Variants in NOS1 observed in about 807,000 individuals in gnomAD.
NOS1 encodes the protein NOS type I.
NOS1 carries 51 observed loss-of-function variants against 164.5 expected under a neutral mutation model. The ratio of observed to expected loss-of-function variants is 0.31; its 90% CI spans 0.25 to 0.39. The LOEUF (loss-of-function observed/expected upper bound fraction) is 0.39. Ranked by LOEUF, NOS1 falls within the 10% of genes least tolerant of loss-of-function variation. The pLI is 1.00. For synonymous variants in NOS1, 719 were observed against 745.8 expected (o/e 0.96, Z 0.59); for missense variants, 1,362 against 1,885.6 (o/e 0.72, Z 5.14).
chr12:117,318,734 G>A (rs1874778390), intron 2 of NOS1, among the ~76,000 whole-genome samples: 1 of 152,238 alleles, frequency 6.6e-6, no homozygotes. Context: ...CCAAGCCTGT[G>A]TGCTGGGCAC....
intron 4 of NOS1, among the ~76,000 whole-genome samples, chr12:117,289,605 T>C (rs1872916652): frequency 6.6e-6 from 1 of 152,232 alleles, no homozygotes; most frequent in Admixed American, 6.5e-5. Context: ...GGTGGGCACC[T>C]ATCAACCCAT....
Position 117,327,776 on chromosome 12 carries a change from G to A in NOS1, c.725+2569C>T, listed in dbSNP as rs552892671. Among the ~76,000 whole-genome samples, 3 of 152,274 alleles carry A rather than the reference G, an allele frequency of 2.0e-5. No individual in the cohort carries two copies. In the East Asian group the frequency reaches 5.8e-4, roughly 29 times the overall value. ...CAGGGAGGACTCCAGGCTGTCCCCAGGGAATGTACCGAGGAAAAAAGGAGT... is the reference window on the plus strand; with the variant it reads ...CAGGGAGGACTCCAGGCTGTCCCCAAGGAATGTACCGAGGAAAAAAGGAGT... On this transcript the variant is annotated intron_variant, in intron 2 of 28. Transcript: ENST00000317775.
chr12:117,222,539 G>C (rs1290714644), intron 26 of NOS1, among the ~76,000 whole-genome samples, 176 bp downstream of exon 26: 1 of 152,138 alleles, frequency 6.6e-6, no homozygotes, highest in South Asian at 2.1e-4. Context: ...CAGGCGCTCG[G>C]CCTGTTAAAT....
chr12:117,280,215 T>C (rs1056476249), intron 8 of NOS1, among the ~76,000 whole-genome samples: 1 of 152,178 alleles, frequency 6.6e-6, no homozygotes, highest in Non-Finnish European at 1.5e-5. Context: ...TACCAGTAAC[T>C]GTAGTGATGC....
chr12:117,244,755 G>A (rs953063576), intron 18 of NOS1, among the ~76,000 whole-genome samples: 1 of 152,142 alleles, frequency 6.6e-6, no homozygotes, highest in African/African-American at 2.4e-5. Flanking sequence ...GCTATGACAC[G>A]GATGAACCTT....
At position 117,214,833 on chromosome 12, in the gene NOS1, TCACACACA is replaced by T. The variant is rs60470377; in HGVS notation, c.*468_*475del. ...AGAGGACGGACAGAGACCTGGCCCA[TCACACACA>T]CACACACACACACACACACACACAC... On this transcript the variant is annotated 3_prime_UTR_variant, in exon 29 of 29. Transcript: ENST00000317775. The T allele has an allele frequency of 1.5e-4, 143 of 966,560 alleles. No individual in the cohort carries two copies. Among genetic ancestry groups the T allele is most frequent in the Non-Finnish European group, 1.7e-4 (138 of 819,316 alleles). The allele number at this position is 966,560 out of a possible 1,614,324, so 59.9% of individuals were successfully genotyped here. A position where few individuals can be genotyped will look rare whatever the true frequency, so the allele number is the denominator to read the frequency against.
chr12:117,215,049 G>A lies in NOS1; in HGVS notation c.*260C>T, dbSNP rs1288767025. 22 of 1,195,382 alleles carry A rather than the reference G, an allele frequency of 1.8e-5. No homozygotes were observed. Among genetic ancestry groups the A allele is most frequent in the Non-Finnish European group, 2.3e-5 (22 of 964,140 alleles). 74.0% of individuals were successfully genotyped at this position (1,195,382 alleles called of 1,614,324 possible). The stretch of plus-strand genomic sequence containing the variant: ...CATGCACCCGTGAGTTGCCCTTGTC[G>A]GCAAGAGAGGGAGTGGGAACAGAGT... On this transcript the variant is annotated 3_prime_UTR_variant, in exon 29 of 29. Transcript: ENST00000317775.
intron 1 of NOS1, among the ~76,000 whole-genome samples, chr12:117,349,460 T>C (rs1876514867): frequency 6.6e-6 from 1 of 152,128 alleles, no homozygotes; most frequent in African/African-American, 2.4e-5. Context: ...AATACTTCTT[T>C]TCAATTCTTA....
intron 28 of NOS1, among the ~76,000 whole-genome samples, chr12:117,216,364 A>G (rs9658555): frequency 0.041 from 6,196 of 150,838 alleles, 187 homozygotes; most frequent in Middle Eastern, 0.17. Context: ...TTGTATTTTT[A>G]GTAGAGATGG....
chr12:117,286,043 A>G lies in NOS1; in HGVS notation c.1290+61T>C, dbSNP rs1481841744. On this transcript the variant is annotated intron_variant, in intron 6 of 28. Transcript: ENST00000317775. The stretch of plus-strand genomic sequence containing the variant: ...GCTTATCCTTTTTAAAGCTCCATCC[A>G]CTCCCCTTCCCCTCTTCCCTCATTT... The G allele has an allele frequency of 9.5e-6, 15 of 1,578,662 alleles. No homozygotes were observed. The African/African-American group carries it at 1.5e-4, about 16-fold the overall frequency.
At chr12:117,251,276 C>T (rs894280977) in intron 17 of NOS1, among the ~76,000 whole-genome samples, 1 of 152,136 alleles carries the variant, frequency 6.6e-6, no homozygotes, top group Non-Finnish European at 1.5e-5. Context: ...TGTTTACAAG[C>T]CACCAGTTTA....
intron 7 of NOS1, among the ~76,000 whole-genome samples, chr12:117,283,041 T>A (rs1340141181): frequency 1.6e-5 from 1 of 64,468 alleles, no homozygotes; most frequent in Non-Finnish European, 2.9e-5. Flanking sequence ...TAACATTATA[T>A]ATATATATAT....
At chr12:117,251,220 A>C (rs1871079356) in intron 17 of NOS1, among the ~76,000 whole-genome samples, 1 of 152,136 alleles carries the variant, frequency 6.6e-6, no homozygotes, top group Non-Finnish European at 1.5e-5. Context: ...TGGCACCTTG[A>C]TCTTGGACTT....
At chr12:117,342,246 T>C (rs1008843542) in intron 1 of NOS1, among the ~76,000 whole-genome samples, 2 of 152,146 alleles carry the variant, frequency 1.3e-5, no homozygotes, top group African/African-American at 2.4e-5. Flanking sequence ...GGAGCTTGCA[T>C]TGGGATTACA....
intron 3 of NOS1, among the ~76,000 whole-genome samples, chr12:117,303,417 G>A (rs79687360): frequency 1.3e-5 from 2 of 152,266 alleles, no homozygotes; most frequent in East Asian, 1.9e-4. Flanking sequence ...CAAGCCCTGC[G>A]TCCCCAGGGG....
chr12:117,303,164 A>C (rs1236513701), intron 3 of NOS1, among the ~76,000 whole-genome samples: 2 of 152,182 alleles, frequency 1.3e-5, no homozygotes, highest in Non-Finnish European at 2.9e-5. Flanking sequence ...GCCTTCATTC[A>C]GACCCAGGCT....
intron 1 of NOS1, among the ~76,000 whole-genome samples, chr12:117,359,012 G>C (rs1876989373): frequency 1.3e-5 from 2 of 152,268 alleles, no homozygotes; most frequent in South Asian, 4.1e-4. Context: ...CTATGGCTAG[G>C]TAGTTTGGTT....
At chr12:117,224,933 C>T (rs1868521756) in intron 25 of NOS1, 83 bp downstream of exon 25, 1 of 1,571,974 alleles carries the variant, frequency 6.4e-7, no homozygotes, top group South Asian at 1.1e-5. Flanking sequence ...GACACCTTCA[C>T]TGTTCTCTAG....
chr12:117,286,420 A>T (rs9658354), intron 5 of NOS1, among the ~76,000 whole-genome samples, 154 bp from the exon 6 acceptor site: 61,963 of 152,080 alleles, frequency 0.41, 13,031 homozygotes, highest in Admixed American at 0.51. Context: ...AAGATAAAGC[A>T]GACACTGTAA....
Sources: gnomAD v4.1 joint callset for allele counts (sites outside exome capture counted in the v4.1 genomes callset) on GRCh38, gnomAD v4.1.1 for gene constraint, MANE v1.5 for transcripts, NCBI Gene and HGNC (gene_info 2026-07-23, HGNC 2026-07-21) for gene names.